SLC17A3: variants seen among roughly 807,000 people sequenced by gnomAD.
SLC17A3 encodes sodium-dependent phosphate transport protein 4.
In SLC17A3, 61 loss-of-function variants were observed where a neutral mutation model predicts 60.3. That is an observed-to-expected ratio of 1.01 (90% CI 0.82 to 1.25). The LOEUF is 1.25. SLC17A3 is among the 50% of genes most tolerant of loss of function. The probability of loss-of-function intolerance (pLI) is 0.00; values close to 1 mark genes in which losing one functional copy is unlikely to be tolerated. For missense variants in SLC17A3, 624 were observed against 594.9 expected (o/e 1.05, Z -0.51); for synonymous variants, 192 against 208.9 (o/e 0.92, Z 0.70).
chr6:25,861,872 G>C lies in SLC17A3; in HGVS notation c.461C>G (p.Thr154Ser), dbSNP rs370989265. 4.3e-5 allele frequency: 70 copies of C among 1,613,250 alleles called. No homozygotes were observed. The Admixed American group carries it at 5.0e-4, about 12-fold the overall frequency. The change falls in exon 4 of 13, where the codon ACT becomes AGT. Residue 154 changes from threonine (T) to serine (S), a missense_variant. Transcript: ENST00000397060. Reference sequence around the variant, plus strand: ...GTCAGTGGCCAGAGGGATGCATAGAGTGAGAAATGAAGTTGCAAACAAAGA... The same window carrying C: ...GTCAGTGGCCAGAGGGATGCATAGACTGAGAAATGAAGTTGCAAACAAAGA... The part of the protein sequence containing the change: ...GISLFATSFL[T>S]LCIPLATDFG...
chr6:25,872,508 CACTT>C (rs1272293326), intron 1 of SLC17A3, among the ~76,000 whole-genome samples: 5 of 150,344 alleles, frequency 3.3e-5, no homozygotes, highest in Admixed American at 6.7e-5. Context: ...CAAAGACACA[CACTT>C]ACATAAACAT....
intron 5 of SLC17A3, 70 bp downstream of exon 5, chr6:25,861,554 A>AAAGTTGTCTCATCC: frequency 1.6e-6 from 2 of 1,247,328 alleles, no homozygotes; most frequent in South Asian, 2.4e-5. Context: ...CTATGCAATG[A>AAAGTTGTCTCATCC]AAAGTTGTCA....
chr6:25,868,681 A>G (rs567211677), intron 1 of SLC17A3, among the ~76,000 whole-genome samples: 39 of 152,052 alleles, frequency 2.6e-4, no homozygotes, highest in Admixed American at 3.9e-4. Flanking sequence ...TCCCAAGTTC[A>G]AACTCAGGTT....
intron 6 of SLC17A3, among the ~76,000 whole-genome samples, chr6:25,854,426 T>C (rs1442423678): frequency 6.6e-6 from 1 of 152,196 alleles, no homozygotes; most frequent in Non-Finnish European, 1.5e-5. Context: ...CCCCCAGTTT[T>C]CTCTTGATTA....
intron 8 of SLC17A3, 130 bp from the exon 9 acceptor site, chr6:25,850,307 ATC>A: frequency 6.0e-6 from 8 of 1,324,106 alleles, no homozygotes; most frequent in Admixed American, 3.9e-5. Flanking sequence ...AACCTCTTAA[ATC>A]ATACCCCAGA....
intron 11 of SLC17A3, among the ~76,000 whole-genome samples, chr6:25,847,135 C>T (rs1015035712): frequency 1.6e-4 from 24 of 152,052 alleles, no homozygotes; most frequent in African/African-American, 5.8e-4. Flanking sequence ...TCCATGAATG[C>T]TCATCCTTTG....
Position 25,855,219 on chromosome 6 carries a change from C to T in SLC17A3, c.637G>A (p.Gly213Arg), listed in dbSNP as rs1765339419. The change falls in exon 6 of 13, where the codon GGA becomes AGA. Residue 213 changes from glycine (G) to arginine (R), a missense_variant. By Grantham distance (125) the Gly-to-Arg change is moderately radical. Transcript: ENST00000397060. ...CSIALSGMLL[G>R]CFTAILIGGF... ...CCTATGAGGATGGCAGTAAAGCATC[C>T]CAGTAACATTCCTGCAAAGAGAGAG... The T allele has an allele frequency of 6.2e-7, 1 of 1,612,696 alleles. No individual in the cohort carries two copies. Among genetic ancestry groups the T allele is most frequent in the Admixed American group, 1.7e-5 (1 of 59,940 alleles).
chr6:25,867,290 T>A (rs1043891453), intron 2 of SLC17A3, among the ~76,000 whole-genome samples: 6 of 151,990 alleles, frequency 3.9e-5, no homozygotes, highest in African/African-American at 1.4e-4. Flanking sequence ...GGTTCCTTGC[T>A]TCTAATCTAT....
At chr6:25,852,272 C>T (rs777511838) in intron 6 of SLC17A3, among the ~76,000 whole-genome samples, 34 of 152,070 alleles carry the variant, frequency 2.2e-4, no homozygotes, top group Non-Finnish European at 4.4e-4. Context: ...TTAAGATTTT[C>T]TCTTTACTTC....
chr6:25,857,838 A>G (rs1169095577), intron 5 of SLC17A3, among the ~76,000 whole-genome samples: 2 of 152,158 alleles, frequency 1.3e-5, no homozygotes, highest in Non-Finnish European at 2.9e-5. Context: ...AATGGGGGAC[A>G]GGTTCCTGCA....
At position 25,863,681 on chromosome 6, in the gene SLC17A3, C is replaced by T. The variant is rs138445052; in HGVS notation, c.92-1237G>A. 2.0e-5 allele frequency among the ~76,000 whole-genome samples: 3 copies of T among 152,230 alleles called. No individual in the cohort carries two copies. In the East Asian group the frequency reaches 5.8e-4, roughly 29 times the overall value. Reference sequence around the variant, plus strand: ...CTCCAGACTGCCTGGAAGCTGTCTACTCTCCTACCATGTAGCTACTTTAGC... The same window carrying T: ...CTCCAGACTGCCTGGAAGCTGTCTATTCTCCTACCATGTAGCTACTTTAGC... On this transcript the variant is annotated intron_variant, in intron 2 of 12. Transcript: ENST00000397060.
At chr6:25,870,256 G>A (rs1439634431) in intron 1 of SLC17A3, among the ~76,000 whole-genome samples, 2 of 151,864 alleles carry the variant, frequency 1.3e-5, no homozygotes, top group African/African-American at 4.8e-5. Flanking sequence ...CTGTTTCTAG[G>A]GAAATTGCCC....
At chr6:25,869,672 A>T (rs1266515270) in intron 1 of SLC17A3, among the ~76,000 whole-genome samples, 1 of 151,818 alleles carries the variant, frequency 6.6e-6, no homozygotes, top group African/African-American at 2.4e-5. Flanking sequence ...GTGCAGGGGA[A>T]CTCCCATTTA....
At position 25,861,701 on chromosome 6, in the gene SLC17A3, A is replaced by G. The variant is rs750842238; in HGVS notation, c.548T>C (p.Leu183Pro). 3 of 1,613,968 alleles carry G rather than the reference A, an allele frequency of 1.9e-6. No individual in the cohort carries two copies. The South Asian group carries it at 3.3e-5, about 18-fold the overall frequency. Reference protein sequence around the residue: ...IVQGLSQSSILGGQFAIWEKW... With the variant: ...IVQGLSQSSIPGGQFAIWEKW... ...TTCCCAAATTGCAAACTGACCCCCA[A>G]GTATTGAGGACTGAAATTAAAATGA... Residue 183 changes from leucine to proline, a missense_variant, in exon 5 of 13, where the codon CTT becomes CCT. By Grantham distance (98) the Leu-to-Pro change is moderately conservative. Coordinates refer to ENST00000397060, the MANE Select transcript of SLC17A3 (RefSeq NM_001098486.2).
In SLC17A3 at chr6:25,845,523, A is replaced by G. The variant is rs1349351938; in HGVS notation, c.1363-7T>C. On this transcript the variant is annotated splice_polypyrimidine_tract_variant and splice_region_variant and intron_variant, in intron 11 of 12. Coordinates refer to ENST00000397060, the MANE Select transcript of SLC17A3 (RefSeq NM_001098486.2). The stretch of plus-strand genomic sequence containing the variant: ...TCCACCCAAACTCAGGGTCCTGGAG[A>G]CACAAAACCCCAAGTATATATTACC... The G allele has an allele frequency of 6.2e-7, 1 of 1,613,864 alleles. No individual in the cohort carries two copies. The highest frequency in any genetic ancestry group is 1.3e-5 in the African/African-American group (1 of 74,938).
At chr6:25,860,004 T>G (rs1165642822) in intron 5 of SLC17A3, among the ~76,000 whole-genome samples, 2 of 152,170 alleles carry the variant, frequency 1.3e-5, no homozygotes, top group Admixed American at 1.3e-4. Context: ...GCTACCAAAG[T>G]ATCAAGGCAT....
chr6:25,866,308 A>T (rs1561859992), intron 2 of SLC17A3, among the ~76,000 whole-genome samples: 1 of 152,056 alleles, frequency 6.6e-6, no homozygotes, highest in Non-Finnish European at 1.5e-5. Context: ...CCTTCAGCCA[A>T]AATCTAGCAA....
intron 2 of SLC17A3, among the ~76,000 whole-genome samples, chr6:25,863,328 A>G (rs1199254121): frequency 6.6e-6 from 1 of 152,144 alleles, no homozygotes; most frequent in East Asian, 1.9e-4. Flanking sequence ...GTCTTGCAAC[A>G]TTATATTAAG....
chr6:25,851,577 T>C (rs756649773), intron 6 of SLC17A3, among the ~76,000 whole-genome samples: 1 of 152,156 alleles, frequency 6.6e-6, no homozygotes, highest in Non-Finnish European at 1.5e-5. Flanking sequence ...TTATATATGA[T>C]CCAAGGTATG....
Sources: allele counts gnomAD v4.1 joint callset (sites outside exome capture counted in the v4.1 genomes callset), GRCh38; gene constraint gnomAD v4.1.1; transcripts MANE v1.5; gene names NCBI Gene and HGNC (gene_info 2026-07-23, HGNC 2026-07-21).